DCLRE1C: variants seen among roughly 807,000 people sequenced by gnomAD.
DCLRE1C encodes DNA cross-link repair 1C.
DCLRE1C carries 47 observed loss-of-function variants against 61.4 expected under a neutral mutation model. The ratio of observed to expected loss-of-function variants is 0.77; its 90% CI spans 0.61 to 0.98. The LOEUF (loss-of-function observed/expected upper bound fraction) is 0.98, where lower values mean the gene tolerates loss of function less well. DCLRE1C is among the 50% of genes least tolerant of loss of function. The pLI, the probability that DCLRE1C is intolerant of heterozygous loss-of-function variation, is 0.00. For synonymous variants in DCLRE1C, 337 were observed against 287.6 expected (o/e 1.17, Z -1.74); for missense variants, 858 against 816.0 (o/e 1.05, Z -0.63).
chr10:14,919,465 C>G (rs41299720), intron 13 of DCLRE1C, among the ~76,000 whole-genome samples: 14,483 of 152,234 alleles, frequency 0.095, 898 homozygotes, highest in Non-Finnish European at 0.14. Context: ...ATGGCCTCTA[C>G]TGATCTTAGG....
chr10:14,922,991 C>T lies in DCLRE1C; in HGVS notation c.1051G>A (p.Val351Ile). Residue 351 changes from valine (V) to isoleucine (I), a missense_variant, in exon 12 of 14, where the codon GTT (valine) becomes ATT (isoleucine). Val to Ile is a conservative substitution (Grantham distance 29). Coordinates refer to ENST00000378278, the MANE Select transcript of DCLRE1C (RefSeq NM_001033855.3). ...VIPVGTTMDK[V>I]VEILKPLCRS... ...CCAGTGACTACTCACATTTCGACAA[C>T]TTTATCCATAGTTGTGCCAACTGGA... The T allele has an allele frequency of 6.2e-7, 1 of 1,613,962 alleles. No individual in the cohort carries two copies.
intron 10 of DCLRE1C, 109 bp downstream of exon 10, chr10:14,927,907 T>G: frequency 1.3e-6 from 1 of 748,796 alleles, no homozygotes. Flanking sequence ...AAATTAATTA[T>G]AATATATAAT....
At chr10:14,951,389 C>CAAAAAAAAAAAAAA (rs60272216) in intron 1 of DCLRE1C, among the ~76,000 whole-genome samples, 2 of 46,060 alleles carry the variant, frequency 4.3e-5, no homozygotes, top group African/African-American at 7.0e-5. Context: ...AACCCTGTCT[C>CAAAAAAAAAAAAAA]AAAAAAAAAA....
intron 12 of DCLRE1C, among the ~76,000 whole-genome samples, chr10:14,922,060 C>T (rs999068704): frequency 6.6e-6 from 1 of 152,198 alleles, no homozygotes; most frequent in South Asian, 2.1e-4. Context: ...CCGGCCTCTC[C>T]GTGAGACTGG....
intron 13 of DCLRE1C, among the ~76,000 whole-genome samples, chr10:14,913,266 A>G (rs955185101): frequency 1.3e-5 from 2 of 152,260 alleles, no homozygotes; most frequent in South Asian, 4.1e-4. Context: ...CTGGAAATAG[A>G]CATAAAGTTT....
intron 12 of DCLRE1C, among the ~76,000 whole-genome samples, chr10:14,920,062 A>G (rs575195927): frequency 1.3e-5 from 2 of 152,352 alleles, no homozygotes; most frequent in East Asian, 3.9e-4. Flanking sequence ...AGTGGCAAAT[A>G]TAAGCAATTA....
chr10:14,934,831 C>T, intron 6 of DCLRE1C, 56 bp from the exon 7 acceptor site: 2 of 1,398,224 alleles, frequency 1.4e-6, no homozygotes, highest in South Asian at 2.3e-5. Flanking sequence ...TTATGTGTAA[C>T]TTTTTTTGTT....
chr10:14,933,500 G>A (rs1250918689), intron 8 of DCLRE1C, among the ~76,000 whole-genome samples: 2 of 152,106 alleles, frequency 1.3e-5, no homozygotes, highest in Non-Finnish European at 2.9e-5. Flanking sequence ...AGCCAGGTAT[G>A]GTGGCTCAGG....
intron 3 of DCLRE1C, among the ~76,000 whole-genome samples, chr10:14,941,172 T>C (rs1287985724): frequency 1.1e-3 from 167 of 152,204 alleles, no homozygotes; most frequent in African/African-American, 2.9e-3. Flanking sequence ...GCCACTGAGC[T>C]AGTCCTCTTT....
chr10:14,950,252 A>T (rs1842261671), intron 1 of DCLRE1C, among the ~76,000 whole-genome samples: 1 of 150,584 alleles, frequency 6.6e-6, no homozygotes, highest in African/African-American at 2.4e-5. Context: ...AGATAGGAGA[A>T]TTGCTTGAAC....
chr10:14,910,563 G>A (rs932142400), intron 13 of DCLRE1C, among the ~76,000 whole-genome samples: 2 of 152,058 alleles, frequency 1.3e-5, no homozygotes, highest in Non-Finnish European at 2.9e-5. Context: ...CAAATTGCTG[G>A]AATTAGAGGC....
chr10:14,899,815 G>A, downstream of DCLRE1C: 1 of 1,126,094 alleles, frequency 8.9e-7, no homozygotes, highest in South Asian at 1.7e-5. Context: ...TTTATAAGGA[G>A]GGCAGCTTCT....
At chr10:14,924,877 T>C (rs1051490575) in intron 11 of DCLRE1C, among the ~76,000 whole-genome samples, 4 of 148,574 alleles carry the variant, frequency 2.7e-5, no homozygotes, top group Non-Finnish European at 6.0e-5. Context: ...ATTAAAAAAT[T>C]AAAAAAAAAA....
At chr10:14,902,481 G>A (rs199727444), downstream of DCLRE1C, 2 of 1,603,442 alleles carry the variant, frequency 1.2e-6, no homozygotes, top group East Asian at 4.5e-5. Context: ...TGTAAATGTG[G>A]AGCTGTGACT....
rs1840525822 is a variant in DCLRE1C, at chr10:14,939,538, C to A, written c.306+272G>T. On this transcript the variant is annotated intron_variant, in intron 4 of 13. Transcript: ENST00000378278. ...TTCCAGTCTCTAGAACCCTAAGCAA[C>A]AAGTGTCTATTGTATAAGCCACTCA... is the stretch of plus-strand genomic sequence containing the variant. Among the ~76,000 whole-genome samples the A allele has an allele frequency of 3.9e-5, 6 of 151,936 alleles. No homozygotes were observed. In the South Asian group the frequency reaches 1.2e-3, roughly 32 times the overall value.
At chr10:14,939,400 C>T (rs1271271362) in intron 4 of DCLRE1C, among the ~76,000 whole-genome samples, 2 of 150,016 alleles carry the variant, frequency 1.3e-5, no homozygotes, top group Non-Finnish European at 3.0e-5. Flanking sequence ...GCCAAGATCA[C>T]ACCACTGCAC....
chr10:14,952,928 C>A (rs896011342), intron 1 of DCLRE1C, among the ~76,000 whole-genome samples: 1 of 152,158 alleles, frequency 6.6e-6, no homozygotes, highest in Non-Finnish European at 1.5e-5. Context: ...TCACACCAAC[C>A]CTGTGAGGAA....
intron 12 of DCLRE1C, 151 bp downstream of exon 12, chr10:14,922,830 A>G (rs2130783452): frequency 1.5e-6 from 1 of 669,972 alleles, no homozygotes; most frequent in Non-Finnish European, 2.7e-6. Flanking sequence ...TAAAGGAAAC[A>G]CTCCAGGAAA....
At chr10:14,916,304 C>G (rs970117275) in intron 13 of DCLRE1C, among the ~76,000 whole-genome samples, 10 of 152,102 alleles carry the variant, frequency 6.6e-5, no homozygotes, top group Admixed American at 5.9e-4. Context: ...TCTATATACA[C>G]AAACAATGAT....
Sources: gnomAD v4.1 joint callset for allele counts (sites outside exome capture counted in the v4.1 genomes callset) on GRCh38, gnomAD v4.1.1 for gene constraint, MANE v1.5 for transcripts, NCBI Gene and HGNC (gene_info 2026-07-23, HGNC 2026-07-21) for gene names.